Variants in FMO3 observed in about 807,000 individuals in gnomAD.
The protein encoded by FMO3 is flavin containing dimethylaniline monoxygenase 3.
Under a neutral mutation model 39.4 loss-of-function variants are expected in FMO3, and 40 were observed. That is an observed-to-expected ratio of 1.02 (90% confidence interval 0.79 to 1.32). FMO3 has a LOEUF of 1.32. Among genes scored for constraint, FMO3 ranks in the 40% most tolerant of loss-of-function variants. FMO3 has a pLI of 0.00. For missense variants in FMO3, 680 were observed against 651.8 expected, an observed-to-expected ratio of 1.04 and a Z score of -0.47; for synonymous variants, 219 against 228.8, an observed-to-expected ratio of 0.96 and a Z score of 0.39.
chr1:171,097,950 T>C (rs1026543552), intron 2 of FMO3, among the ~76,000 whole-genome samples: 3 of 152,134 alleles, frequency 2.0e-5, no homozygotes, highest in Non-Finnish European at 2.9e-5. Context: ...CTTTAATCCA[T>C]TTGAATTAAT....
Position 171,116,262 on chromosome 1 carries a change from T to C in FMO3, c.1238T>C (p.Met413Thr), listed in dbSNP as rs749660052. Reference protein sequence around the residue: ...EDMMNDINEKMEKKRKWFGKS... With the variant: ...EDMMNDINEKTEKKRKWFGKS... ...ATGATGAATGATATTAATGAGAAAA[T>C]GGAGAAAAAGCGCAAATGGTAAGAG... is the stretch of plus-strand genomic sequence containing the variant. The change falls in exon 8 of 9, where the codon ATG (methionine) becomes ACG (threonine). Residue 413 changes from methionine to threonine, a missense_variant. Coordinates refer to ENST00000367755, the MANE Select transcript of FMO3 (RefSeq NM_001002294.3). The C allele has an allele frequency of 6.3e-6, 10 of 1,598,628 alleles. No homozygotes were observed. In the South Asian group the frequency reaches 8.8e-5, roughly 14 times the overall value.
chr1:171,093,293 AG>A (rs1004401731), intron 2 of FMO3, among the ~76,000 whole-genome samples: 1 of 152,054 alleles, frequency 6.6e-6, no homozygotes, highest in African/African-American at 2.4e-5. Context: ...TACCCTTCCA[AG>A]TCTCCAATGT....
intron 6 of FMO3, among the ~76,000 whole-genome samples, chr1:171,112,423 G>A (rs562960392): frequency 2.6e-5 from 4 of 152,192 alleles, no homozygotes; most frequent in Non-Finnish European, 4.4e-5. Context: ...AATCAGAGGG[G>A]ATGTTGGTCT....
At chr1:171,111,903 G>A (rs532886238) in intron 6 of FMO3, among the ~76,000 whole-genome samples, 3 of 152,292 alleles carry the variant, frequency 2.0e-5, no homozygotes, top group South Asian at 4.1e-4. Flanking sequence ...ATCATATGGC[G>A]ATGTGTGCTT....
intron 2 of FMO3, among the ~76,000 whole-genome samples, chr1:171,096,727 A>AAAATATATATAATTAATATAATTATATT (rs1655101868): frequency 1.4e-5 from 2 of 139,752 alleles, no homozygotes; most frequent in East Asian, 2.1e-4. Context: ...AATTATATTA[A>AAAATATATATAATTAATATAATTATATT]AAATATATAT....
chr1:171,103,812 A>C lies in FMO3; in HGVS notation c.160A>C (p.Ile54Leu). 1.2e-6 allele frequency: 2 copies of C among 1,613,860 alleles called. No homozygotes were observed. The highest frequency in any genetic ancestry group is 2.2e-5 in the East Asian group (1 of 44,850). ...CCATGCAGAGGAGGGCAGGGCTAGC[A>C]TTTACAAATCAGTCTTTTCCAACTC... ...SDHAEEGRASIYKSVFSNSSK... is the reference protein window; with the variant it reads ...SDHAEEGRASLYKSVFSNSSK... Residue 54 changes from isoleucine to leucine, a missense_variant, in exon 3 of 9, where the codon ATT becomes CTT. By Grantham distance (5) the Ile-to-Leu change is conservative (BLOSUM62 2). Transcript: ENST00000367755.
chr1:171,092,805 G>A lies in FMO3; in HGVS notation c.132+15G>A. On this transcript the variant is annotated intron_variant, in intron 2 of 8. Coordinates refer to ENST00000367755, the MANE Select transcript of FMO3 (RefSeq NM_001002294.3). ...GGAAATTTTCAGTGAGTAGCATGTTGTTGTAATAGACAGGAAAATAGGTTG... is the reference window on the plus strand; with the variant it reads ...GGAAATTTTCAGTGAGTAGCATGTTATTGTAATAGACAGGAAAATAGGTTG... 6.2e-7 allele frequency: 1 copy of A among 1,613,538 alleles called. No individual in the cohort carries two copies. The highest frequency in any genetic ancestry group is 8.5e-7 in the Non-Finnish European group (1 of 1,179,810).
intron 2 of FMO3, 132 bp downstream of exon 2, chr1:171,092,922 T>C: frequency 5.0e-6 from 5 of 992,198 alleles, no homozygotes; most frequent in South Asian, 2.8e-5. Flanking sequence ...ATCCACTAAG[T>C]ACAGTGTCAA....
chr1:171,103,909 A>T lies in FMO3; in HGVS notation c.257A>T (p.Lys86Met). Reference protein sequence around the residue: ...DDFPNFMHNSKIQEYIIAFAK... With the variant: ...DDFPNFMHNSMIQEYIIAFAK... Reference sequence around the variant, plus strand: ...TTCCCCAACTTTATGCACAACAGCAAGATCCAGGAATATATCATTGCATTT... The same window carrying T: ...TTCCCCAACTTTATGCACAACAGCATGATCCAGGAATATATCATTGCATTT... The change falls in exon 3 of 9, where the codon AAG becomes ATG. Residue 86 changes from lysine to methionine, a missense_variant. Physicochemically the swap from Lys to Met is moderately conservative, Grantham distance 95. Coordinates refer to ENST00000367755, the MANE Select transcript of FMO3 (RefSeq NM_001002294.3). The T allele has an allele frequency of 6.2e-7, 1 of 1,613,992 alleles. No individual in the cohort carries two copies. Among genetic ancestry groups the T allele is most frequent in the Non-Finnish European group, 8.5e-7 (1 of 1,179,908 alleles).
At chr1:171,108,388 T>A (rs1337518151) in intron 5 of FMO3, among the ~76,000 whole-genome samples, 167 bp downstream of exon 5, 1 of 152,162 alleles carries the variant, frequency 6.6e-6, no homozygotes, top group Non-Finnish European at 1.5e-5. Flanking sequence ...AGGTTTTAAA[T>A]CACTTCATAG....
chr1:171,110,750 C>T (rs763878343), intron 5 of FMO3, 48 bp from the exon 6 acceptor site: 1 of 1,549,916 alleles, frequency 6.5e-7, no homozygotes. Context: ...ACCAGAATAT[C>T]CACTACAAAT....
At chr1:171,102,129 A>G (rs1006100510) in intron 2 of FMO3, among the ~76,000 whole-genome samples, 2 of 152,196 alleles carry the variant, frequency 1.3e-5, no homozygotes, top group African/African-American at 4.8e-5. Context: ...TGAAATGAAC[A>G]TGGCAACTAA....
chr1:171,096,710 T>C (rs1467589628), intron 2 of FMO3, among the ~76,000 whole-genome samples: 3 of 139,118 alleles, frequency 2.2e-5, no homozygotes, highest in Non-Finnish European at 4.6e-5. Flanking sequence ...TATATAAAAA[T>C]TAATATAATT....
At chr1:171,100,389 G>A (rs1439425364) in intron 2 of FMO3, 1 of 152,246 alleles carries the variant, frequency 6.6e-6, no homozygotes, top group Non-Finnish European at 1.5e-5. Flanking sequence ...GAAGGAATTT[G>A]TCCTACTGGA....
rs199766869 is a variant in FMO3, at chr1:171,103,880, T to A, written c.228T>A (p.Asp76Glu). The change falls in exon 3 of 9, where the codon GAT (aspartate) becomes GAA (glutamate). Residue 76 changes from aspartate to glutamate, a missense_variant. Asp to Glu is a conservative substitution (Grantham distance 45, BLOSUM62 2). Coordinates refer to ENST00000367755, the MANE Select transcript of FMO3 (RefSeq NM_001002294.3). ...MMCFPDFPFP[D>E]DFPNFMHNSK... ...GTTTCCCAGACTTCCCATTTCCCGATGACTTCCCCAACTTTATGCACAACA... is the reference window on the plus strand; with the variant it reads ...GTTTCCCAGACTTCCCATTTCCCGAAGACTTCCCCAACTTTATGCACAACA... The A allele has an allele frequency of 2.4e-4, 395 of 1,613,946 alleles. No individual in the cohort carries two copies. The highest frequency in any genetic ancestry group is 3.2e-4 in the Non-Finnish European group (383 of 1,179,860).
chr1:171,096,705 A>G (rs1394106173), intron 2 of FMO3, among the ~76,000 whole-genome samples: 1 of 112,216 alleles, frequency 8.9e-6, no homozygotes, highest in Non-Finnish European at 1.8e-5. Flanking sequence ...ATAATTATAT[A>G]AAAATTAATA....
rs753896595 is a variant in FMO3, at chr1:171,110,875, C to T, written c.705C>T (p.Leu235=). The T allele has an allele frequency of 9.3e-6, 15 of 1,613,830 alleles. No individual in the cohort carries two copies. Among genetic ancestry groups the T allele is most frequent in the Middle Eastern group, 3.3e-4 (2 of 6,082 alleles). ...WDNGYPWDML[L]VTRFGTFLKN... ...ATGGTTATCCTTGGGACATGCTGCT[C>T]GTCACTCGATTTGGAACCTTCCTCA... The change falls in exon 6 of 9, where the codon CTC becomes CTT. Residue 235 remains leucine (L), a synonymous_variant. Transcript: ENST00000367755.
Position 171,117,444 on chromosome 1 carries a change from C to T in FMO3, c.*2C>T. 1.2e-6 allele frequency: 2 copies of T among 1,610,178 alleles called. No individual in the cohort carries two copies. Among genetic ancestry groups the T allele is most frequent in the East Asian group, 2.2e-5 (1 of 44,838 alleles). On this transcript the variant is annotated 3_prime_UTR_variant, in exon 9 of 9. Coordinates refer to ENST00000367755, the MANE Select transcript of FMO3 (RefSeq NM_001002294.3). Reference sequence around the variant, plus strand: ...GCTGTTTTCCTTGTGTTGACCTAATCATCATTTTCTCTAGGATTTCTGAAA... The same window carrying T: ...GCTGTTTTCCTTGTGTTGACCTAATTATCATTTTCTCTAGGATTTCTGAAA...
intron 5 of FMO3, among the ~76,000 whole-genome samples, chr1:171,109,496 CTATT>C (rs542081702): frequency 7.7e-6 from 1 of 129,082 alleles, no homozygotes; most frequent in Non-Finnish European, 1.6e-5. Flanking sequence ...ATTTCAGAGG[CTATT>C]TAATTAATTG....
Sources: gnomAD v4.1 joint callset for allele counts (sites outside exome capture counted in the v4.1 genomes callset) on GRCh38, gnomAD v4.1.1 for gene constraint, MANE v1.5 for transcripts, NCBI Gene and HGNC (gene_info 2026-07-23, HGNC 2026-07-21) for gene names.